Variants in PTPN13 observed in about 807,000 individuals in gnomAD.
The protein encoded by PTPN13 is tyrosine-protein phosphatase non-receptor type 13.
PTPN13 carries 191 observed loss-of-function variants against 284.0 expected under a neutral mutation model. That is an observed-to-expected ratio of 0.67 (90% CI 0.60 to 0.76). The LOEUF (loss-of-function observed/expected upper bound fraction) is 0.76. PTPN13 is among the 30% of genes least tolerant of loss of function. The probability of loss-of-function intolerance (pLI) is 0.00; values close to 1 mark genes in which losing one functional copy is unlikely to be tolerated. For synonymous variants in PTPN13, 986 were observed against 1,022.3 expected, an observed-to-expected ratio of 0.96 and a Z score of 0.68; for missense variants, 2,797 against 2,939.9, an observed-to-expected ratio of 0.95 and a Z score of 1.12.
chr4:86,595,059 G>A (rs560247657), intron 1 of PTPN13, among the ~76,000 whole-genome samples: 14 of 152,234 alleles, frequency 9.2e-5, no homozygotes, highest in African/African-American at 3.4e-4. Flanking sequence ...GAAGAAAGCC[G>A]GATTCTCGGG....
rs753929290 is a variant in PTPN13, at chr4:86,809,853, A to G, written c.7168A>G (p.Thr2390Ala). 3 of 1,614,020 alleles carry G rather than the reference A, an allele frequency of 1.9e-6. No homozygotes were observed. Among genetic ancestry groups the G allele is most frequent in the Non-Finnish European group, 1.7e-6 (2 of 1,179,886 alleles). ...DTPSQPDDLL[T>A]FISYMRHIHR... ...ACCTTCTCAACCAGATGATCTGCTT[A>G]CTTTTATCTCCTACATGAGACACAT... The change falls in exon 46 of 48, where the codon ACT (threonine) becomes GCT (alanine). Residue 2390 changes from threonine to alanine, a missense_variant. Transcript: ENST00000411767.
At chr4:86,710,253 T>A (rs758989771) in intron 7 of PTPN13, among the ~76,000 whole-genome samples, 30 of 152,218 alleles carry the variant, frequency 2.0e-4, no homozygotes, top group Non-Finnish European at 3.4e-4. Context: ...ACAAAAGCAG[T>A]CATTTTATTT....
intron 1 of PTPN13, among the ~76,000 whole-genome samples, chr4:86,618,576 A>G (rs1720860623): frequency 1.3e-5 from 2 of 152,176 alleles, no homozygotes; most frequent in South Asian, 4.1e-4. Context: ...CTGTTCTTCC[A>G]TTTGTTTGTA....
At chr4:86,722,151 G>A in intron 9 of PTPN13, 61 bp from the exon 10 acceptor site, 1 of 1,401,120 alleles carries the variant, frequency 7.1e-7, no homozygotes, top group Non-Finnish European at 1.0e-6. Flanking sequence ...AAATTTGCTT[G>A]ATTAGCCTTA....
chr4:86,785,205 C>T (rs1741753118), intron 38 of PTPN13, 26 bp from the exon 39 acceptor site: 1 of 1,454,474 alleles, frequency 6.9e-7, no homozygotes, highest in Non-Finnish European at 9.3e-7. Context: ...TAAAGTAAAA[C>T]CCCATGTAAA....
intron 27 of PTPN13, among the ~76,000 whole-genome samples, chr4:86,767,258 T>TA (rs1316939316): frequency 7.3e-5 from 11 of 149,920 alleles, no homozygotes; most frequent in African/African-American, 2.5e-4. Context: ...TTTTTTTTTT[T>TA]AATTGAGATG....
At chr4:86,678,943 C>T (rs1281231579) in intron 3 of PTPN13, among the ~76,000 whole-genome samples, 1 of 152,166 alleles carries the variant, frequency 6.6e-6, no homozygotes, top group East Asian at 1.9e-4. Flanking sequence ...GTACAGTCTG[C>T]ATTTTTGAAA....
intron 7 of PTPN13, among the ~76,000 whole-genome samples, chr4:86,715,553 C>G (rs1259024584): frequency 6.6e-6 from 1 of 152,106 alleles, no homozygotes; most frequent in Non-Finnish European, 1.5e-5. Context: ...GACTGCACCA[C>G]TGCACTCCAG....
At chr4:86,610,647 TC>T (rs2149193973) in intron 1 of PTPN13, among the ~76,000 whole-genome samples, 1 of 152,316 alleles carries the variant, frequency 6.6e-6, no homozygotes, top group South Asian at 2.1e-4. Context: ...ATATGAAATC[TC>T]CCTAATTTGT....
At chr4:86,606,850 C>G (rs1391181642) in intron 1 of PTPN13, among the ~76,000 whole-genome samples, 1 of 151,774 alleles carries the variant, frequency 6.6e-6, no homozygotes, top group Non-Finnish European at 1.5e-5. Context: ...TTTTAGCTAG[C>G]CATATCATCT....
At chr4:86,655,787 C>G (rs1254221193) in intron 2 of PTPN13, among the ~76,000 whole-genome samples, 2 of 152,162 alleles carry the variant, frequency 1.3e-5, no homozygotes, top group Non-Finnish European at 2.9e-5. Context: ...GAACGTTGGC[C>G]TGCCTTGCTA....
At chr4:86,659,236 T>A (rs1726196741) in intron 2 of PTPN13, among the ~76,000 whole-genome samples, 1 of 152,110 alleles carries the variant, frequency 6.6e-6, no homozygotes, top group Non-Finnish European at 1.5e-5. Flanking sequence ...ACTAAAAATA[T>A]CATTTTCATA....
chr4:86,723,634 C>T (rs1026978827), intron 10 of PTPN13, among the ~76,000 whole-genome samples: 4 of 152,170 alleles, frequency 2.6e-5, no homozygotes, highest in South Asian at 2.1e-4. Flanking sequence ...ACATTTGATA[C>T]GTATTGTCAA....
intron 31 of PTPN13, 113 bp from the exon 32 acceptor site, chr4:86,772,665 C>T: frequency 1.2e-6 from 1 of 836,096 alleles, no homozygotes; most frequent in Non-Finnish European, 1.8e-6. Flanking sequence ...TAACTAGGAT[C>T]TCAATCAAAA....
At chr4:86,673,214 C>G (rs756288602) in intron 3 of PTPN13, among the ~76,000 whole-genome samples, 1 of 151,976 alleles carries the variant, frequency 6.6e-6, no homozygotes, top group Non-Finnish European at 1.5e-5. Flanking sequence ...ACCCCGATCT[C>G]TAATATATGG....
rs540963376 is a variant in PTPN13 at position 86,682,425 on chromosome 4, C to CT, written c.295-4271dup. On this transcript the variant is annotated intron_variant, in intron 3 of 47. Coordinates refer to ENST00000411767, the MANE Select transcript of PTPN13 (RefSeq NM_080683.3). Reference sequence around the variant, plus strand: ...AATACAAGTGAGAAGCAGATCAAAACTTTTTTTTTTTTTTAACTTGTACTG... The same window carrying CT: ...AATACAAGTGAGAAGCAGATCAAAACTTTTTTTTTTTTTTTAACTTGTACTG... Among the ~76,000 whole-genome samples, 382 of 144,296 alleles carry CT rather than the reference C, an allele frequency of 2.6e-3. 2 individuals carry two copies. The highest frequency in any genetic ancestry group is 3.0e-3 in the African/African-American group (120 of 39,598). The allele number at this position is 144,296 out of a possible 152,430, so 94.7% of individuals were successfully genotyped here. A position where few individuals can be genotyped will look rare whatever the true frequency, so the allele number is the denominator to read the frequency against.
chr4:86,810,349 A>AT (rs35196300), intron 46 of PTPN13, among the ~76,000 whole-genome samples: 42,941 of 151,734 alleles, frequency 0.28, 6,206 homozygotes, highest in African/African-American at 0.31. Context: ...AAAGGAAAGT[A>AT]TTTTTTTAAT....
intron 47 of PTPN13, among the ~76,000 whole-genome samples, chr4:86,813,130 A>G (rs1226410769): frequency 2.0e-5 from 3 of 152,214 alleles, no homozygotes; most frequent in Non-Finnish European, 2.9e-5. Flanking sequence ...AGAGCTGTTA[A>G]TGTTTTTAGG....
At chr4:86,640,955 T>G (rs1723717500) in intron 2 of PTPN13, among the ~76,000 whole-genome samples, 1 of 152,194 alleles carries the variant, frequency 6.6e-6, no homozygotes, top group African/African-American at 2.4e-5. Flanking sequence ...TGAATTTGGT[T>G]TCTTTGGCAG....
Sources: gnomAD v4.1 joint callset for allele counts (sites outside exome capture counted in the v4.1 genomes callset) on GRCh38, gnomAD v4.1.1 for gene constraint, MANE v1.5 for transcripts, NCBI Gene and HGNC (gene_info 2026-07-23, HGNC 2026-07-21) for gene names.